ADAM22: variants seen among roughly 807,000 people sequenced by gnomAD.
ADAM22 encodes the protein disintegrin and metalloproteinase domain-containing protein 22.
Under a neutral mutation model 144.6 loss-of-function variants are expected in ADAM22, and 65 were observed. The observed-to-expected ratio is 0.45, with a 90% confidence interval of 0.37 to 0.55. The LOEUF (loss-of-function observed/expected upper bound fraction) is 0.55, where lower values mean the gene tolerates loss of function less well. ADAM22 is among the 20% of genes least tolerant of loss of function. The pLI is 0.00. For synonymous variants in ADAM22, 391 were observed against 412.6 expected (o/e 0.95, Z 0.63); for missense variants, 974 against 1,184.9 (o/e 0.82, Z 2.61).
chr7:88,091,915 CT>C (rs1218538872), intron 4 of ADAM22, among the ~76,000 whole-genome samples: 1 of 152,042 alleles, frequency 6.6e-6, no homozygotes, highest in African/African-American at 2.4e-5. Flanking sequence ...ATAAAATTTT[CT>C]TTATTCCAAA....
chr7:87,952,011 A>T (rs1363113526), intron 2 of ADAM22, among the ~76,000 whole-genome samples: 3 of 149,598 alleles, frequency 2.0e-5, no homozygotes, highest in South Asian at 2.1e-4. Context: ...GACTTTGCTG[A>T]AGTTGCTTAT....
intron 2 of ADAM22, among the ~76,000 whole-genome samples, chr7:87,951,217 GCCTATGT>G (rs2131397151): frequency 6.9e-6 from 1 of 145,540 alleles, no homozygotes; most frequent in East Asian, 2.0e-4. Context: ...CCTTGCCCAT[GCCTATGT>G]CCTGAATGGT....
At chr7:88,047,317 C>T (rs1585235022) in intron 3 of ADAM22, among the ~76,000 whole-genome samples, 1 of 152,128 alleles carries the variant, frequency 6.6e-6, no homozygotes. Flanking sequence ...TTGAAATGTT[C>T]CTCTATGCCT....
chr7:87,995,494 A>T (rs560406267), intron 3 of ADAM22, among the ~76,000 whole-genome samples: 15 of 152,296 alleles, frequency 9.8e-5, no homozygotes, highest in Non-Finnish European at 1.8e-4. Flanking sequence ...AACTACTAAT[A>T]CCTGGGTCCC....
chr7:88,081,607 A>C (rs1261117380), intron 4 of ADAM22, among the ~76,000 whole-genome samples: 3 of 150,274 alleles, frequency 2.0e-5, no homozygotes, highest in African/African-American at 7.4e-5. Context: ...GTCTCAGCCC[A>C]AAATCTCCTT....
At chr7:87,937,423 A>G (rs1304615378) in intron 2 of ADAM22, among the ~76,000 whole-genome samples, 16 of 152,174 alleles carry the variant, frequency 1.1e-4, no homozygotes, top group Admixed American at 1.0e-3. Context: ...AACAATTCAC[A>G]AAGACTTTCT....
intron 5 of ADAM22, among the ~76,000 whole-genome samples, chr7:88,110,589 C>CG (rs201303535): frequency 0.022 from 3,319 of 151,586 alleles, 135 homozygotes; most frequent in African/African-American, 0.076. Context: ...AGGCCGGGCA[C>CG]GGTGGCTCAC....
At chr7:88,028,153 A>G (rs1799447146) in intron 3 of ADAM22, among the ~76,000 whole-genome samples, 1 of 152,052 alleles carries the variant, frequency 6.6e-6, no homozygotes. Flanking sequence ...CTTTTGCTGT[A>G]TCTCATAGGT....
intron 3 of ADAM22, 41 bp from the exon 4 acceptor site, chr7:88,075,585 T>C (rs764693010): frequency 6.4e-7 from 1 of 1,570,896 alleles, no homozygotes; most frequent in South Asian, 1.1e-5. Flanking sequence ...TTTTACATTT[T>C]TGGGATCCTC....
At chr7:88,157,565 A>C (rs527879203) in intron 22 of ADAM22, among the ~76,000 whole-genome samples, 2 of 152,148 alleles carry the variant, frequency 1.3e-5, no homozygotes, top group Non-Finnish European at 2.9e-5. Flanking sequence ...AAAACAAAGT[A>C]AACCAAGAAA....
intron 3 of ADAM22, among the ~76,000 whole-genome samples, chr7:88,032,832 A>T (rs1337756698): frequency 6.6e-6 from 1 of 152,134 alleles, no homozygotes; most frequent in African/African-American, 2.4e-5. Flanking sequence ...GTAAGTGTGT[A>T]ACACCACCCC....
At chr7:88,143,164 T>C (rs755344892) in intron 15 of ADAM22, 39 bp downstream of exon 15, 2 of 1,336,456 alleles carry the variant, frequency 1.5e-6, no homozygotes, top group South Asian at 1.2e-5. Context: ...ATATTAATTA[T>C]CAACCTTTCT....
In ADAM22 at chr7:88,149,023, A is replaced by G. The variant is rs1837513156; in HGVS notation, c.1532A>G (p.Asp511Gly). Reference protein sequence around the residue: ...TVCREAVNDCDIRETCSGNSS... With the variant: ...TVCREAVNDCGIRETCSGNSS... ...TGCCGAGAAGCAGTAAATGATTGTG[A>G]TATTCGTGAAACGTGCTCAGGAAAT... Residue 511 changes from aspartate to glycine, a missense_variant, in exon 18 of 32, where the codon GAT becomes GGT. Coordinates refer to ENST00000413139, the MANE Select transcript of ADAM22 (RefSeq NM_001324418.2). The G allele has an allele frequency of 6.2e-7, 1 of 1,612,360 alleles. No homozygotes were observed. Among genetic ancestry groups the G allele is most frequent in the Non-Finnish European group, 8.5e-7 (1 of 1,178,944 alleles).
Position 88,155,896 on chromosome 7 carries a change from T to C in ADAM22, c.1797T>C (p.Leu599=). ...TWIQCNKRDV[L]CGYLLCTNIG... ...TAATCTTTTGATACAGGGATGTGCTTTGTGGTTACCTTTTGTGTACCAATA... is the reference window on the plus strand; with the variant it reads ...TAATCTTTTGATACAGGGATGTGCTCTGTGGTTACCTTTTGTGTACCAATA... The change falls in exon 22 of 32, where the codon CTT becomes CTC. Residue 599 remains leucine, a synonymous_variant. Transcript: ENST00000413139. 1 of 1,613,242 alleles carries C rather than the reference T, an allele frequency of 6.2e-7. No homozygotes were observed. Among genetic ancestry groups the C allele is most frequent in the South Asian group, 1.1e-5 (1 of 90,998 alleles).
intron 2 of ADAM22, among the ~76,000 whole-genome samples, chr7:87,966,497 A>G (rs993649161): frequency 1.3e-5 from 2 of 152,166 alleles, no homozygotes; most frequent in African/African-American, 2.4e-5. Flanking sequence ...TAAATAGGTA[A>G]TGAGGCTGCC....
chr7:88,036,426 G>T (rs2129470390), intron 3 of ADAM22, among the ~76,000 whole-genome samples: 1 of 152,246 alleles, frequency 6.6e-6, no homozygotes, highest in East Asian at 1.9e-4. Context: ...AGGGAGTAAA[G>T]ATGTAAAATA....
chr7:88,176,597 T>C (rs1279538041), intron 26 of ADAM22, among the ~76,000 whole-genome samples: 1 of 152,190 alleles, frequency 6.6e-6, no homozygotes, highest in Non-Finnish European at 1.5e-5. Context: ...CCATCCATTG[T>C]GAAACATAGT....
chr7:88,131,311 A>G lies in ADAM22; in HGVS notation c.868A>G (p.Met290Val), dbSNP rs1389098959. The G allele has an allele frequency of 1.9e-6, 3 of 1,613,722 alleles. No individual in the cohort carries two copies. Among genetic ancestry groups the G allele is most frequent in the African/African-American group, 1.3e-5 (1 of 74,894 alleles). The change falls in exon 11 of 32, where the codon ATG (methionine) becomes GTG (valine). Residue 290 changes from methionine to valine, a missense_variant. Coordinates refer to ENST00000413139, the MANE Select transcript of ADAM22 (RefSeq NM_001324418.2). ...QLKTRIVLVA[M>V]ETWATDNKFA... Reference sequence around the variant, plus strand: ...TAAGACCAGGATAGTATTGGTTGCTATGGAAACCTGGGCGACTGACAACAA... The same window carrying G: ...TAAGACCAGGATAGTATTGGTTGCTGTGGAAACCTGGGCGACTGACAACAA...
At chr7:87,944,054 A>G (rs1842974512) in intron 2 of ADAM22, among the ~76,000 whole-genome samples, 1 of 152,004 alleles carries the variant, frequency 6.6e-6, no homozygotes, top group Non-Finnish European at 1.5e-5. Context: ...CTCCTGGTTG[A>G]GTTGTGTGAG....
Sources: allele counts gnomAD v4.1 joint callset (sites outside exome capture counted in the v4.1 genomes callset), GRCh38; gene constraint gnomAD v4.1.1; transcripts MANE v1.5; gene names NCBI Gene and HGNC (gene_info 2026-07-23, HGNC 2026-07-21).